SH3GL2: variants seen among roughly 807,000 people sequenced by gnomAD.
The protein encoded by SH3GL2 is endophilin-A1.
SH3GL2 carries 24 observed loss-of-function variants against 46.0 expected under a neutral mutation model. That is an observed-to-expected ratio of 0.52 (90% CI 0.38 to 0.73). The LOEUF (loss-of-function observed/expected upper bound fraction) is 0.73, where lower values mean the gene tolerates loss of function less well. Among genes scored for constraint, SH3GL2 ranks in the 30% least tolerant of loss-of-function variants. SH3GL2 has a pLI of 0.00. For synonymous variants in SH3GL2, 196 were observed against 147.1 expected (o/e 1.33, Z -2.40); for missense variants, 413 against 424.2 (o/e 0.97, Z 0.23).
intron 1 of SH3GL2, among the ~76,000 whole-genome samples, chr9:17,653,319 T>A (rs1819998067): frequency 2.6e-5 from 4 of 152,148 alleles, no homozygotes; most frequent in Admixed American, 2.6e-4. Context: ...AATATTTGAC[T>A]GTTATTTCTT....
chr9:17,738,091 C>T (rs1394724435), intron 1 of SH3GL2, among the ~76,000 whole-genome samples: 1 of 152,044 alleles, frequency 6.6e-6, no homozygotes, highest in Non-Finnish European at 1.5e-5. Flanking sequence ...GTCATCTAAA[C>T]AAAACTGCAG....
At chr9:17,638,341 T>G (rs1272230288) in intron 1 of SH3GL2, among the ~76,000 whole-genome samples, 1 of 152,148 alleles carries the variant, frequency 6.6e-6, no homozygotes, top group South Asian at 2.1e-4. Context: ...CCTGCTGTAT[T>G]CCAGGCCCTC....
At chr9:17,774,086 C>G (rs567150206) in intron 3 of SH3GL2, among the ~76,000 whole-genome samples, 12 of 152,030 alleles carry the variant, frequency 7.9e-5, no homozygotes, top group African/African-American at 2.9e-4. Context: ...CTTTTAATTT[C>G]CTTTTCAGAT....
Position 17,704,814 on chromosome 9 carries a change from C to A in SH3GL2, c.46-42252C>A, listed in dbSNP as rs1040822537. Among the ~76,000 whole-genome samples, 3 of 152,106 alleles carry A rather than the reference C, an allele frequency of 2.0e-5. No individual in the cohort carries two copies. In the East Asian group the frequency reaches 5.8e-4, roughly 29 times the overall value. ...TGGATTAAAGACTTAAATGTAAAAC[C>A]TAAAACTGTAAAAATCCTGGAAGGA... On this transcript the variant is annotated intron_variant, in intron 1 of 8. Transcript: ENST00000380607.
At chr9:17,645,874 A>G (rs1324429950) in intron 1 of SH3GL2, among the ~76,000 whole-genome samples, 1 of 151,914 alleles carries the variant, frequency 6.6e-6, no homozygotes, top group Non-Finnish European at 1.5e-5. Context: ...CTTGAGGAGT[A>G]TCTTTGTGGT....
chr9:17,683,028 T>G (rs1820813952), intron 1 of SH3GL2, among the ~76,000 whole-genome samples: 1 of 152,106 alleles, frequency 6.6e-6, no homozygotes, highest in Admixed American at 6.6e-5. Flanking sequence ...TCAGAGAATT[T>G]CGGTCATAGA....
chr9:17,587,429 C>T (rs1002241818), intron 1 of SH3GL2, among the ~76,000 whole-genome samples: 1 of 152,066 alleles, frequency 6.6e-6, no homozygotes, highest in African/African-American at 2.4e-5. Context: ...ATATATTTGG[C>T]CAGGTCTAAG....
intron 8 of SH3GL2, among the ~76,000 whole-genome samples, chr9:17,793,826 G>A (rs1250314871): frequency 1.3e-5 from 2 of 152,140 alleles, no homozygotes; most frequent in East Asian, 1.9e-4. Flanking sequence ...TTTGGTCTGC[G>A]AGTGTCATCT....
At chr9:17,725,476 G>A (rs556795616) in intron 1 of SH3GL2, among the ~76,000 whole-genome samples, 1 of 152,204 alleles carries the variant, frequency 6.6e-6, no homozygotes, top group African/African-American at 2.4e-5. Flanking sequence ...GCTCTTAGGC[G>A]TGAACTTCTC....
intron 1 of SH3GL2, among the ~76,000 whole-genome samples, chr9:17,746,312 G>A (rs1342503413): frequency 2.0e-5 from 3 of 152,112 alleles, no homozygotes; most frequent in African/African-American, 4.8e-5. Context: ...TCCTGACCTC[G>A]TGATCCACCC....
chr9:17,790,096 A>G (rs898926937), intron 6 of SH3GL2, among the ~76,000 whole-genome samples: 3 of 152,190 alleles, frequency 2.0e-5, no homozygotes, highest in Non-Finnish European at 4.4e-5. Context: ...TCCAAAGGCC[A>G]GAAAGCCTAG....
At chr9:17,695,266 T>C (rs1365445763) in intron 1 of SH3GL2, among the ~76,000 whole-genome samples, 2 of 152,138 alleles carry the variant, frequency 1.3e-5, no homozygotes, top group African/African-American at 4.8e-5. Flanking sequence ...ATGCGATCCC[T>C]TTAACTTCTT....
chr9:17,660,308 C>T (rs1820181063), intron 1 of SH3GL2, among the ~76,000 whole-genome samples: 1 of 152,154 alleles, frequency 6.6e-6, no homozygotes, highest in Non-Finnish European at 1.5e-5. Context: ...CTCTGGCTGC[C>T]TGACTCCTCA....
At chr9:17,766,146 G>C (rs1823310858) in intron 3 of SH3GL2, among the ~76,000 whole-genome samples, 1 of 152,204 alleles carries the variant, frequency 6.6e-6, no homozygotes, top group African/African-American at 2.4e-5. Context: ...AGTCTGAGGA[G>C]AGGAGCCCAG....
intron 1 of SH3GL2, among the ~76,000 whole-genome samples, chr9:17,652,551 G>A (rs1229082706): frequency 6.6e-6 from 1 of 152,012 alleles, no homozygotes; most frequent in African/African-American, 2.4e-5. Context: ...CTATTAATTA[G>A]TGTATTTACA....
At chr9:17,789,977 T>G (rs909522406) in intron 6 of SH3GL2, 1 of 156,662 alleles carries the variant, frequency 6.4e-6, no homozygotes, top group Non-Finnish European at 1.4e-5. Context: ...CTCTTATCAA[T>G]AGTGGGAAGA....
At chr9:17,756,721 A>C in intron 2 of SH3GL2, among the ~76,000 whole-genome samples, 1 of 152,012 alleles carries the variant, frequency 6.6e-6, no homozygotes, top group Non-Finnish European at 1.5e-5. Flanking sequence ...AATCCAGTCT[A>C]TCATTGATGG....
At chr9:17,716,989 T>A (rs1821777463) in intron 1 of SH3GL2, among the ~76,000 whole-genome samples, 1 of 152,172 alleles carries the variant, frequency 6.6e-6, no homozygotes, top group African/African-American at 2.4e-5. Flanking sequence ...AGGTTAAACC[T>A]AGTCCCTCTC....
intron 1 of SH3GL2, among the ~76,000 whole-genome samples, chr9:17,723,562 T>C (rs556983807): frequency 6.6e-6 from 1 of 152,292 alleles, no homozygotes; most frequent in East Asian, 1.9e-4. Flanking sequence ...TTTCAAACTG[T>C]GTAACAGGAG....
Sources: allele counts gnomAD v4.1 joint callset (sites outside exome capture counted in the v4.1 genomes callset), GRCh38; gene constraint gnomAD v4.1.1; transcripts MANE v1.5; gene names NCBI Gene and HGNC (gene_info 2026-07-23, HGNC 2026-07-21).